GTF2F2: variants seen among roughly 807,000 people sequenced by gnomAD.
GTF2F2 encodes ATP-dependent helicase GTF2F2.
GTF2F2 carries 23 observed loss-of-function variants against 42.2 expected under a neutral mutation model. That is an observed-to-expected ratio of 0.55 (90% confidence interval 0.39 to 0.77). The LOEUF (loss-of-function observed/expected upper bound fraction) is 0.77, where lower values mean the gene tolerates loss of function less well. Ranked by LOEUF, GTF2F2 falls within the 30% of genes least tolerant of loss-of-function variation. The probability of loss-of-function intolerance (pLI) is 0.00; values close to 1 mark genes in which losing one functional copy is unlikely to be tolerated. For missense variants in GTF2F2, 261 were observed against 287.2 expected, an observed-to-expected ratio of 0.91 and a Z score of 0.66; for synonymous variants, 105 against 100.8, an observed-to-expected ratio of 1.04 and a Z score of -0.25.
At chr13:45,120,782 GA>G (rs1308042160) in intron 1 of GTF2F2, 61 bp downstream of exon 1, 10 of 1,255,728 alleles carry the variant, frequency 8.0e-6, no homozygotes, top group African/African-American at 1.5e-5. Flanking sequence ...TAAGTAACTT[GA>G]GCCTATCCCG....
chr13:45,157,155 A>G (rs1487486541), intron 4 of GTF2F2, among the ~76,000 whole-genome samples: 1 of 152,114 alleles, frequency 6.6e-6, no homozygotes, highest in Non-Finnish European at 1.5e-5. Context: ...GCCAGCTAGG[A>G]GTTTTTAAGG....
intron 4 of GTF2F2, among the ~76,000 whole-genome samples, chr13:45,174,634 C>CTTTTTTTTTTTTTT (rs397950608): frequency 2.5e-4 from 20 of 81,314 alleles, no homozygotes; most frequent in East Asian, 3.3e-4. Context: ...TTTCTTTTTT[C>CTTTTTTTTTTTTTT]TTTTTTTTTT....
At chr13:45,234,646 AT>A (rs1874859017) in intron 5 of GTF2F2, among the ~76,000 whole-genome samples, 1 of 152,222 alleles carries the variant, frequency 6.6e-6, no homozygotes, top group South Asian at 2.1e-4. Context: ...AAAAACTTGC[AT>A]GTTGGCCAGG....
At chr13:45,127,938 C>CTTTTTTTTTTCTTTTTTTTTT (rs1869116277) in intron 1 of GTF2F2, among the ~76,000 whole-genome samples, 2 of 48,608 alleles carry the variant, frequency 4.1e-5, no homozygotes, top group African/African-American at 1.7e-4. Context: ...GCACCCCGGC[C>CTTTTTTTTTTCTTTTTTTTTT]TTTTTTTTTT....
chr13:45,244,844 G>T (rs199517768), intron 5 of GTF2F2, among the ~76,000 whole-genome samples: 1 of 152,106 alleles, frequency 6.6e-6, no homozygotes, highest in African/African-American at 2.4e-5. Context: ...CTAATTTTTT[G>T]TATTTTTAGT....
intron 5 of GTF2F2, among the ~76,000 whole-genome samples, chr13:45,243,593 TA>T (rs1875434447): frequency 6.6e-6 from 1 of 152,252 alleles, no homozygotes; most frequent in Non-Finnish European, 1.5e-5. Flanking sequence ...TAACACAATG[TA>T]AATGCTGTTT....
chr13:45,212,495 C>CTTTCTTTCTTTCT (rs1873716571), intron 5 of GTF2F2, among the ~76,000 whole-genome samples: 1 of 102,436 alleles, frequency 9.8e-6, no homozygotes, highest in Non-Finnish European at 2.2e-5. Flanking sequence ...TTCTTTCTTT[C>CTTTCTTTCTTTCT]TTTCTTTCTT....
At chr13:45,213,444 A>T (rs1241148217) in intron 5 of GTF2F2, among the ~76,000 whole-genome samples, 1 of 152,166 alleles carries the variant, frequency 6.6e-6, no homozygotes, top group African/African-American at 2.4e-5. Context: ...CCAACCCAGC[A>T]TCACTTACTC....
At chr13:45,246,276 G>A (rs1875607717) in intron 5 of GTF2F2, among the ~76,000 whole-genome samples, 1 of 152,032 alleles carries the variant, frequency 6.6e-6, no homozygotes, top group Non-Finnish European at 1.5e-5. Flanking sequence ...CTTCCAAAGT[G>A]CTGGGATTAC....
At position 45,220,932 on chromosome 13, in the gene GTF2F2, AATGT is replaced by A. The variant is rs1190598360; in HGVS notation, c.386+13432_386+13435del. On this transcript the variant is annotated intron_variant, in intron 5 of 7. Coordinates refer to ENST00000340473, the MANE Select transcript of GTF2F2 (RefSeq NM_004128.3). The stretch of plus-strand genomic sequence containing the variant: ...TTGGTAAGTGATCCCATCTGCTTAA[AATGT>A]ATGTGTGTGTGTGTGTGTGTGTGTG... The A allele has an allele frequency of 9.8e-4, 140 of 143,552 alleles. 1 individual carries two copies. The highest frequency in any genetic ancestry group is 3.3e-3 in the African/African-American group (123 of 37,306). 8.9% of individuals were successfully genotyped at this position (143,552 alleles called of 1,614,324 possible).
intron 4 of GTF2F2, among the ~76,000 whole-genome samples, chr13:45,185,702 A>C (rs1056889302): frequency 1.3e-5 from 2 of 152,220 alleles, no homozygotes; most frequent in Middle Eastern, 3.2e-3. Context: ...TATACCATAA[A>C]TGTATACAAA....
Position 45,267,301 on chromosome 13 carries a change from C to T in GTF2F2, c.555C>T (p.Asp185=). The change falls in exon 7 of 8, where the codon GAC becomes GAT. Residue 185 remains aspartate, a synonymous_variant. Coordinates refer to ENST00000340473, the MANE Select transcript of GTF2F2 (RefSeq NM_004128.3). ...GAGCTGATAAACAACATGTTTTAGA[C>T]ATGCTATTTTCAGCCTTTGAGAAAC... ...RARADKQHVL[D]MLFSAFEKHQ... 3.1e-6 allele frequency: 5 copies of T among 1,610,144 alleles called. No homozygotes were observed. The highest frequency in any genetic ancestry group is 1.7e-5 in the Admixed American group (1 of 59,978).
intron 6 of GTF2F2, among the ~76,000 whole-genome samples, chr13:45,258,644 A>G (rs1876199657): frequency 6.6e-6 from 1 of 152,228 alleles, no homozygotes; most frequent in African/African-American, 2.4e-5. Flanking sequence ...AAGCATACAG[A>G]ACATGAATGC....
At chr13:45,212,233 C>G (rs1276115013) in intron 5 of GTF2F2, among the ~76,000 whole-genome samples, 1 of 152,180 alleles carries the variant, frequency 6.6e-6, no homozygotes, top group Non-Finnish European at 1.5e-5. Flanking sequence ...CTTTTGACTG[C>G]ATAGTTTTTA....
chr13:45,137,960 G>A (rs113286845), intron 2 of GTF2F2, among the ~76,000 whole-genome samples: 375 of 152,164 alleles, frequency 2.5e-3, no homozygotes, highest in Admixed American at 3.1e-3. Flanking sequence ...CTGCTGAGGC[G>A]AGCACATGTT....
At chr13:45,260,951 C>A (rs918133206) in intron 6 of GTF2F2, among the ~76,000 whole-genome samples, 1 of 152,106 alleles carries the variant, frequency 6.6e-6, no homozygotes, top group Non-Finnish European at 1.5e-5. Context: ...CGTGGTGAAA[C>A]CCTGTCTCTA....
intron 6 of GTF2F2, among the ~76,000 whole-genome samples, chr13:45,265,271 A>T (rs1009482519): frequency 3.3e-5 from 5 of 152,028 alleles, no homozygotes; most frequent in African/African-American, 1.2e-4. Flanking sequence ...AAAAAAAAAA[A>T]AATTGAGACT....
intron 4 of GTF2F2, among the ~76,000 whole-genome samples, chr13:45,202,628 C>T (rs1430498206): frequency 6.6e-6 from 1 of 152,130 alleles, no homozygotes; most frequent in African/African-American, 2.4e-5. Context: ...TTCCTATCTG[C>T]CTTAAACATT....
intron 5 of GTF2F2, among the ~76,000 whole-genome samples, chr13:45,247,926 C>T (rs551230559): frequency 3.3e-5 from 5 of 152,242 alleles, no homozygotes; most frequent in African/African-American, 7.2e-5. Flanking sequence ...CTCACCACAA[C>T]CTCTACCTTC....
Sources: gnomAD v4.1 joint callset for allele counts (sites outside exome capture counted in the v4.1 genomes callset) on GRCh38, gnomAD v4.1.1 for gene constraint, MANE v1.5 for transcripts, NCBI Gene and HGNC (gene_info 2026-07-23, HGNC 2026-07-21) for gene names.